The following SLC17A1 variants were observed in gnomAD, a reference collection of about 807,000 sequenced individuals.
SLC17A1 encodes the protein sodium-dependent phosphate transport protein 1.
A neutral mutation model predicts 53.5 loss-of-function variants in SLC17A1; 51 were observed. That is an observed-to-expected ratio of 0.95 (90% CI 0.76 to 1.20). The LOEUF (loss-of-function observed/expected upper bound fraction) is 1.20. Ranked by LOEUF, SLC17A1 falls within the 50% of genes most tolerant of loss-of-function variation. The pLI is 0.00. For synonymous variants in SLC17A1, 179 were observed against 198.8 expected (o/e 0.90, Z 0.84); for missense variants, 538 against 568.2 (o/e 0.95, Z 0.54).
the SLC17A1 span, chr6:25,768,332 A>C: frequency 1.0e-6 from 1 of 980,404 alleles, no homozygotes; most frequent in Non-Finnish European, 1.2e-6. Context: ...GGATTTCTCT[A>C]CAGGGATAGT....
chr6:25,801,271 T>C (rs1460423756), intron 10 of SLC17A1, among the ~76,000 whole-genome samples: 3 of 152,168 alleles, frequency 2.0e-5, no homozygotes. Flanking sequence ...CATTGAGAAA[T>C]TCAGAAGGTG....
the SLC17A1 span, chr6:25,776,833 T>A: frequency 1.2e-6 from 2 of 1,613,986 alleles, no homozygotes; most frequent in East Asian, 4.5e-5. Flanking sequence ...CCATCCGTGA[T>A]CCTCGTGTCC....
chr6:25,798,969 T>C, intron 11 of SLC17A1, 50 bp from the exon 12 acceptor site: 2 of 1,493,138 alleles, frequency 1.3e-6, no homozygotes, highest in East Asian at 4.6e-5. Context: ...CTTGTTTTTT[T>C]GTTTTGTAAT....
the SLC17A1 span, chr6:25,768,310 A>T: frequency 7.5e-6 from 7 of 928,454 alleles, no homozygotes; most frequent in Non-Finnish European, 9.0e-6. Context: ...TTGTGATCAT[A>T]CATTACCTCT....
chr6:25,809,465 C>G (rs1485299344), intron 10 of SLC17A1, among the ~76,000 whole-genome samples: 1 of 151,880 alleles, frequency 6.6e-6, no homozygotes, highest in African/African-American at 2.4e-5. Context: ...AAAACTCTCC[C>G]TAGTTACAGT....
chr6:25,812,103 A>G (rs1764178470), intron 8 of SLC17A1, among the ~76,000 whole-genome samples: 1 of 152,148 alleles, frequency 6.6e-6, no homozygotes, highest in African/African-American at 2.4e-5. Context: ...ACAATTACAG[A>G]CATGCGTATG....
chr6:25,784,215 T>C (rs1322950483), intron 12 of SLC17A1, among the ~76,000 whole-genome samples: 2 of 152,228 alleles, frequency 1.3e-5, no homozygotes, highest in East Asian at 3.8e-4. Context: ...TGTTTCCACA[T>C]GTTAGCTGAA....
chr6:25,778,983 C>T, downstream of SLC17A1: 1 of 1,585,312 alleles, frequency 6.3e-7, no homozygotes, highest in Non-Finnish European at 8.6e-7. Flanking sequence ...GGACACAGAG[C>T]CAAAGCCTTT....
intron 10 of SLC17A1, among the ~76,000 whole-genome samples, chr6:25,810,394 A>G (rs1764111842): frequency 6.6e-6 from 1 of 152,162 alleles, no homozygotes; most frequent in Non-Finnish European, 1.5e-5. Flanking sequence ...AAAGAATACA[A>G]GGAACTCAAA....
intron 12 of SLC17A1, among the ~76,000 whole-genome samples, chr6:25,790,488 C>G (rs1763478859): frequency 6.6e-6 from 1 of 152,124 alleles, no homozygotes; most frequent in African/African-American, 2.4e-5. Context: ...ATTGCCCCTT[C>G]AAACTAATCC....
downstream of SLC17A1, chr6:25,780,605 G>A (rs1365682481): frequency 6.6e-6 from 1 of 152,220 alleles, no homozygotes; most frequent in African/African-American, 2.4e-5. Flanking sequence ...TTAAGGTCAG[G>A]AGCACACAGG....
the SLC17A1 span, among the ~76,000 whole-genome samples, chr6:25,725,864 G>A: frequency 8.6e-4 from 131 of 152,236 alleles, no homozygotes; most frequent in East Asian, 7.0e-3. Context: ...AGTACTGACT[G>A]CTCACAAGCG....
Position 25,830,672 on chromosome 6 carries a change from G to A in SLC17A1, c.-50-65C>T, listed in dbSNP as rs374147624. ...GAGGCAACTGACCAAACACTACCCA[G>A]TACTCCTCTCTGATTTAAAACCGCT... is the stretch of plus-strand genomic sequence containing the variant. On this transcript the variant is annotated intron_variant, in intron 1 of 12. Transcript: ENST00000244527. 5.6e-5 allele frequency: 58 copies of A among 1,043,070 alleles called. No homozygotes were observed. The South Asian group carries it at 7.8e-4, about 14-fold the overall frequency. The allele number at this position is 1,043,070 out of a possible 1,614,324, so 64.6% of individuals were successfully genotyped here.
the SLC17A1 span, among the ~76,000 whole-genome samples, chr6:25,728,735 A>AC: frequency 6.6e-6 from 1 of 152,042 alleles, no homozygotes; most frequent in Admixed American, 6.5e-5. Context: ...AATCCCTTGA[A>AC]CCCGGGAGGC....
At chr6:25,811,912 G>A in intron 8 of SLC17A1, 142 bp from the exon 9 acceptor site, 2 of 863,220 alleles carry the variant, frequency 2.3e-6, no homozygotes, top group Non-Finnish European at 3.5e-6. Context: ...CAGAATTACT[G>A]CTGGGACCAC....
At chr6:25,776,651 A>C in the SLC17A1 span, 1 of 1,613,760 alleles carries the variant, frequency 6.2e-7, no homozygotes, top group Non-Finnish European at 8.5e-7. Flanking sequence ...TTATCCTTGG[A>C]GGTCTACTGG....
chr6:25,757,548 C>G, the SLC17A1 span, among the ~76,000 whole-genome samples: 2 of 152,022 alleles, frequency 1.3e-5, no homozygotes, highest in Admixed American at 6.5e-5. Flanking sequence ...CCTTCTTTCC[C>G]CTGCCCCCCA....
rs748851816 is a variant in SLC17A1 at position 25,783,797 on chromosome 6, CT to C, written c.*3-580del. On this transcript the variant is annotated intron_variant, in intron 12 of 12. Transcript: ENST00000244527. ...TGTGGTCCTGCACCCACCACACACT[CT>C]TTTTTTTTTTTTTGGACCCTACCCA... Among the ~76,000 whole-genome samples the C allele has an allele frequency of 4.7e-3, 677 of 143,466 alleles. 3 individuals carry two copies. The highest frequency in any genetic ancestry group is 8.0e-3 in the Admixed American group (115 of 14,318). 94.1% of individuals were successfully genotyped at this position (143,466 alleles called of 152,430 possible). A position where few individuals can be genotyped will look rare whatever the true frequency, so the allele number is the denominator to read the frequency against.
At chr6:25,728,735 A>G in the SLC17A1 span, among the ~76,000 whole-genome samples, 1 of 152,042 alleles carries the variant, frequency 6.6e-6, no homozygotes, top group African/African-American at 2.4e-5. Context: ...AATCCCTTGA[A>G]CCCGGGAGGC....
Sources: allele counts gnomAD v4.1 joint callset (sites outside exome capture counted in the v4.1 genomes callset), GRCh38; gene constraint gnomAD v4.1.1; transcripts MANE v1.5; gene names NCBI Gene and HGNC (gene_info 2026-07-23, HGNC 2026-07-21).